Variants in CDH13 observed in about 807,000 individuals in gnomAD.
The protein encoded by CDH13 is cadherin 13, also known as cadherin-13.
In CDH13, 24 loss-of-function variants were observed where a neutral mutation model predicts 63.8. The observed-to-expected ratio is 0.38, with a 90% CI of 0.27 to 0.53. The LOEUF is 0.53. Among genes scored for constraint, CDH13 ranks in the 20% least tolerant of loss-of-function variants. The pLI is 0.85. For missense variants in CDH13, 1,049 were observed against 903.1 expected, an observed-to-expected ratio of 1.16 and a Z score of -2.07; for synonymous variants, 503 against 355.3, an observed-to-expected ratio of 1.42 and a Z score of -4.67.
chr16:83,008,786 A>G (rs2151433332), intron 2 of CDH13, among the ~76,000 whole-genome samples: 2 of 152,258 alleles, frequency 1.3e-5, no homozygotes, highest in East Asian at 3.9e-4. Flanking sequence ...ATTATTCTAT[A>G]TTAGTCCATT....
intron 7 of CDH13, among the ~76,000 whole-genome samples, chr16:83,545,470 G>A (rs1307532632): frequency 1.3e-5 from 2 of 152,200 alleles, no homozygotes; most frequent in Non-Finnish European, 2.9e-5. Context: ...CATGCTTAAA[G>A]AAGTCTCATT....
chr16:83,106,240 GCA>G (rs1286295304), intron 3 of CDH13, among the ~76,000 whole-genome samples: 1 of 152,164 alleles, frequency 6.6e-6, no homozygotes, highest in African/African-American at 2.4e-5. Flanking sequence ...ACAATTGGAA[GCA>G]CTTAACATAC....
intron 7 of CDH13, among the ~76,000 whole-genome samples, chr16:83,525,370 G>T (rs1435170269): frequency 6.6e-6 from 1 of 152,232 alleles, no homozygotes; most frequent in Non-Finnish European, 1.5e-5. Flanking sequence ...ACAAAGAGAA[G>T]TTCTATAACT....
chr16:83,634,222 G>C (rs953944944), intron 8 of CDH13, among the ~76,000 whole-genome samples: 2 of 150,994 alleles, frequency 1.3e-5, no homozygotes, highest in Non-Finnish European at 2.9e-5. Context: ...CATGATACAG[G>C]ACAGCTGCAT....
chr16:83,286,492 A>T (rs949815385), intron 5 of CDH13, among the ~76,000 whole-genome samples: 6 of 152,100 alleles, frequency 3.9e-5, no homozygotes, highest in Non-Finnish European at 8.8e-5. Context: ...CCTATTCTTC[A>T]CACCTGTAAT....
intron 6 of CDH13, among the ~76,000 whole-genome samples, chr16:83,433,141 G>A (rs1365558331): frequency 6.6e-6 from 1 of 152,148 alleles, no homozygotes; most frequent in Non-Finnish European, 1.5e-5. Flanking sequence ...CCAGATACTA[G>A]ACTAGACAGA....
chr16:83,025,139 G>A (rs181520825), intron 2 of CDH13, among the ~76,000 whole-genome samples: 60 of 152,320 alleles, frequency 3.9e-4, no homozygotes, highest in African/African-American at 1.2e-3. Flanking sequence ...CTCATTCATG[G>A]AGCAACAAGC....
At chr16:83,211,766 C>T (rs542045305) in intron 4 of CDH13, among the ~76,000 whole-genome samples, 8 of 151,276 alleles carry the variant, frequency 5.3e-5, no homozygotes, top group Admixed American at 1.3e-4. Context: ...CTCCCCCCCC[C>T]AAACAGCCAG....
At chr16:83,465,726 G>A (rs2073297690) in intron 6 of CDH13, among the ~76,000 whole-genome samples, 1 of 152,188 alleles carries the variant, frequency 6.6e-6, no homozygotes, top group Non-Finnish European at 1.5e-5. Flanking sequence ...GCTTTCTGTG[G>A]GGTAGGATGA....
At chr16:82,729,611 G>A (rs1377927798) in intron 1 of CDH13, among the ~76,000 whole-genome samples, 1 of 152,100 alleles carries the variant, frequency 6.6e-6, no homozygotes, top group East Asian at 1.9e-4. Context: ...AGTAATTTAG[G>A]ATGATTATTT....
In CDH13 at chr16:83,331,526, A is replaced by G. The variant is rs568633643; in HGVS notation, c.637-13336A>G. On this transcript the variant is annotated intron_variant, in intron 5 of 13. Coordinates refer to ENST00000567109, the MANE Select transcript of CDH13 (RefSeq NM_001257.5). ...AATAAACTCTAGTCAGTGTGTAGTC[A>G]CTGCCTGAACAAGTTACAATCTTAA... 2.0e-5 allele frequency among the ~76,000 whole-genome samples: 3 copies of G among 152,316 alleles called. No homozygotes were observed. The East Asian group carries it at 5.8e-4, about 29-fold the overall frequency.
At chr16:82,940,022 G>GT (rs1255624029) in intron 2 of CDH13, among the ~76,000 whole-genome samples, 2 of 152,208 alleles carry the variant, frequency 1.3e-5, no homozygotes, top group African/African-American at 4.8e-5. Flanking sequence ...AATGAAAGGG[G>GT]TTTCCCCTTA....
At chr16:83,600,301 G>T (rs1907664627) in intron 7 of CDH13, among the ~76,000 whole-genome samples, 1 of 152,112 alleles carries the variant, frequency 6.6e-6, no homozygotes. Context: ...CGAAACATGA[G>T]GCGTAGAGCC....
intron 3 of CDH13, among the ~76,000 whole-genome samples, chr16:83,052,615 A>G (rs763879584): frequency 1.3e-4 from 20 of 152,136 alleles, no homozygotes; most frequent in South Asian, 4.1e-4. Flanking sequence ...CCCTGTCTCT[A>G]CTAAAAATAC....
chr16:83,331,216 G>A (rs2090473954), intron 5 of CDH13, among the ~76,000 whole-genome samples: 1 of 152,148 alleles, frequency 6.6e-6, no homozygotes, highest in Admixed American at 6.5e-5. Flanking sequence ...GAATTTATGT[G>A]TGAGATTAAA....
intron 2 of CDH13, among the ~76,000 whole-genome samples, chr16:82,903,424 A>G (rs559648105): frequency 6.6e-6 from 1 of 152,194 alleles, no homozygotes; most frequent in Non-Finnish European, 1.5e-5. Context: ...ACTTGCTCAC[A>G]CATAAGTGGG....
At chr16:83,082,866 A>T (rs372957690) in intron 3 of CDH13, among the ~76,000 whole-genome samples, 92 of 152,360 alleles carry the variant, frequency 6.0e-4, no homozygotes, top group African/African-American at 2.1e-3. Context: ...CTGTTTTAAC[A>T]GCAACAGTGA....
chr16:82,838,488 A>C (rs1397291615), intron 1 of CDH13, among the ~76,000 whole-genome samples: 1 of 152,176 alleles, frequency 6.6e-6, no homozygotes, highest in Non-Finnish European at 1.5e-5. Flanking sequence ...ATTGTCTTTG[A>C]ATGTTGAAAA....
At chr16:83,417,038 G>C (rs1044829501) in intron 6 of CDH13, among the ~76,000 whole-genome samples, 4 of 152,154 alleles carry the variant, frequency 2.6e-5, no homozygotes, top group African/African-American at 9.7e-5. Flanking sequence ...TTGTCCAAGT[G>C]CTTTACAGGG....
Sources: allele counts gnomAD v4.1 joint callset (sites outside exome capture counted in the v4.1 genomes callset), GRCh38; gene constraint gnomAD v4.1.1; transcripts MANE v1.5; gene names NCBI Gene and HGNC (gene_info 2026-07-23, HGNC 2026-07-21).